The following RNLS variants were observed in gnomAD, a reference collection of about 807,000 sequenced individuals.
RNLS encodes the protein renalase.
In RNLS, 39 loss-of-function variants were observed where a neutral mutation model predicts 39.8. The observed-to-expected ratio is 0.98, with a 90% CI of 0.76 to 1.28. The LOEUF (loss-of-function observed/expected upper bound fraction) is 1.28, where lower values mean the gene tolerates loss of function less well. Ranked by LOEUF, RNLS falls within the 50% of genes most tolerant of loss-of-function variation. The probability of loss-of-function intolerance (pLI) is 0.00; values close to 1 mark genes in which losing one functional copy is unlikely to be tolerated. For missense variants in RNLS, 410 were observed against 413.3 expected, an observed-to-expected ratio of 0.99 and a Z score of 0.07; for synonymous variants, 147 against 150.7, an observed-to-expected ratio of 0.98 and a Z score of 0.18.
At chr10:88,292,378 C>A (rs893777468) in intron 6 of RNLS, among the ~76,000 whole-genome samples, 2 of 151,766 alleles carry the variant, frequency 1.3e-5, no homozygotes, top group Non-Finnish European at 2.9e-5. Flanking sequence ...ATTGGAACAG[C>A]CACTATTTGC....
the RNLS span, among the ~76,000 whole-genome samples, chr10:88,252,257 C>T: frequency 1.3e-5 from 2 of 152,164 alleles, no homozygotes; most frequent in African/African-American, 2.4e-5. Context: ...GTACTGTATG[C>T]ATTTGATAAA....
intron 5 of RNLS, among the ~76,000 whole-genome samples, chr10:88,352,092 A>AT (rs1370492510): frequency 4.6e-5 from 7 of 152,100 alleles, no homozygotes; most frequent in African/African-American, 1.7e-4. Context: ...GCTTAAGGAG[A>AT]TTTTGTGGTG....
At chr10:88,280,843 A>G (rs1842985471), downstream of RNLS, among the ~76,000 whole-genome samples, 1 of 152,214 alleles carries the variant, frequency 6.6e-6, no homozygotes, top group South Asian at 2.1e-4. Context: ...TCAAAATCCA[A>G]GATGGTTAAG....
intron 4 of RNLS, among the ~76,000 whole-genome samples, chr10:88,405,259 T>TGTA (rs1807067333): frequency 6.6e-6 from 1 of 152,052 alleles, no homozygotes; most frequent in Non-Finnish European, 1.5e-5. Context: ...TTCGGGCAGA[T>TGTA]GTAGATCAGA....
chr10:88,255,814 C>T, the RNLS span, among the ~76,000 whole-genome samples: 3 of 152,302 alleles, frequency 2.0e-5, no homozygotes, highest in South Asian at 2.1e-4. Context: ...AGAGTTTTTG[C>T]GTGGAAGGAC....
chr10:88,267,449 A>T, the RNLS span, among the ~76,000 whole-genome samples: 1 of 152,110 alleles, frequency 6.6e-6, no homozygotes, highest in African/African-American at 2.4e-5. Context: ...GGTGGCGCAA[A>T]TCTATAGTCC....
intron 4 of RNLS, among the ~76,000 whole-genome samples, chr10:88,425,248 A>C (rs1302131251): frequency 1.3e-5 from 2 of 152,174 alleles, no homozygotes; most frequent in Non-Finnish European, 1.5e-5. Context: ...TTTCATTGTA[A>C]AATAAACAAT....
chr10:88,407,804 C>T (rs928802531), intron 4 of RNLS, among the ~76,000 whole-genome samples: 1 of 152,088 alleles, frequency 6.6e-6, no homozygotes, highest in African/African-American at 2.4e-5. Flanking sequence ...AGTATTTGCT[C>T]TGTAGCACAT....
chr10:88,401,069 C>T (rs951858822), intron 4 of RNLS, among the ~76,000 whole-genome samples: 4 of 151,722 alleles, frequency 2.6e-5, no homozygotes, highest in African/African-American at 9.7e-5. Flanking sequence ...AGGAGTTCTC[C>T]CAATTTCCCC....
intron 4 of RNLS, among the ~76,000 whole-genome samples, chr10:88,528,495 G>C (rs1442318414): frequency 6.6e-6 from 1 of 152,160 alleles, no homozygotes; most frequent in Non-Finnish European, 1.5e-5. Flanking sequence ...GGATGATAAT[G>C]AAAGATGTGA....
intron 4 of RNLS, among the ~76,000 whole-genome samples, chr10:88,369,222 C>G (rs141020470): frequency 6.6e-6 from 1 of 152,224 alleles, no homozygotes; most frequent in East Asian, 1.9e-4. Context: ...CCCCATGACT[C>G]TTCTTTCTTT....
intron 4 of RNLS, among the ~76,000 whole-genome samples, chr10:88,399,382 C>T (rs1852769513): frequency 6.6e-6 from 1 of 151,842 alleles, no homozygotes; most frequent in Admixed American, 6.6e-5. Context: ...GTTGAAGCAA[C>T]CCAAATGTGC....
At chr10:88,187,856 A>G in the RNLS span, among the ~76,000 whole-genome samples, 1 of 152,234 alleles carries the variant, frequency 6.6e-6, no homozygotes, top group South Asian at 2.1e-4. Flanking sequence ...ACACATGGTT[A>G]TGACTGTAAA....
At chr10:88,242,679 G>A in the RNLS span, among the ~76,000 whole-genome samples, 18 of 152,190 alleles carry the variant, frequency 1.2e-4, no homozygotes, top group Non-Finnish European at 1.9e-4. Flanking sequence ...GGCTGGGCAC[G>A]GTGGCTTATG....
At chr10:88,255,632 G>T in the RNLS span, among the ~76,000 whole-genome samples, 43 of 152,196 alleles carry the variant, frequency 2.8e-4, 1 homozygote, top group Admixed American at 2.2e-3. Context: ...GTTTTCGTCT[G>T]CTGTGATATT....
chr10:88,555,479 G>T (rs1296634776), intron 4 of RNLS, among the ~76,000 whole-genome samples: 4 of 151,930 alleles, frequency 2.6e-5, no homozygotes, highest in African/African-American at 9.7e-5. Flanking sequence ...AAAAGAACCT[G>T]GCATCTCTCT....
chr10:88,572,259 ATG>A (rs1387787702), intron 4 of RNLS, among the ~76,000 whole-genome samples: 2 of 64,498 alleles, frequency 3.1e-5, no homozygotes, highest in East Asian at 9.0e-4. Context: ...TCCCCACCAC[ATG>A]TTTTATATCA....
At chr10:88,454,135 A>G (rs1304682966) in intron 4 of RNLS, among the ~76,000 whole-genome samples, 3 of 152,234 alleles carry the variant, frequency 2.0e-5, no homozygotes, top group Non-Finnish European at 2.9e-5. Context: ...AAAAGAGAAG[A>G]AAGAGTCCAT....
intron 5 of RNLS, among the ~76,000 whole-genome samples, chr10:88,340,597 T>G (rs189397855): frequency 6.6e-6 from 1 of 152,242 alleles, no homozygotes; most frequent in Admixed American, 6.5e-5. Flanking sequence ...ATACTACCTC[T>G]TCAATCCAAT....
Sources: allele counts gnomAD v4.1 joint callset (sites outside exome capture counted in the v4.1 genomes callset), GRCh38; gene constraint gnomAD v4.1.1; transcripts MANE v1.5; gene names NCBI Gene and HGNC (gene_info 2026-07-23, HGNC 2026-07-21).